The following CASZ1 variants were observed in gnomAD, a reference collection of about 807,000 sequenced individuals.
CASZ1 encodes the protein zinc finger protein castor homolog 1.
CASZ1 carries 28 observed loss-of-function variants against 135.2 expected under a neutral mutation model. The ratio of observed to expected loss-of-function variants is 0.21; its 90% CI spans 0.15 to 0.28. The LOEUF is 0.28. CASZ1 is among the 10% of genes least tolerant of loss of function. The pLI, the probability that CASZ1 is intolerant of heterozygous loss-of-function variation, is 1.00. For synonymous variants in CASZ1, 1,068 were observed against 1,073.4 expected (o/e 0.99, Z 0.10); for missense variants, 2,161 against 2,453.3 (o/e 0.88, Z 2.52).
intron 4 of CASZ1, among the ~76,000 whole-genome samples, chr1:10,669,699 G>C (rs966604760): frequency 1.3e-5 from 2 of 152,176 alleles, no homozygotes; most frequent in Non-Finnish European, 2.9e-5. Flanking sequence ...TTCAAGGGGA[G>C]GAGAGGCTGC....
At chr1:10,730,617 A>C (rs1365014273) in intron 2 of CASZ1, among the ~76,000 whole-genome samples, 1 of 152,234 alleles carries the variant, frequency 6.6e-6, no homozygotes, top group African/African-American at 2.4e-5. Context: ...TTTTCTCAAA[A>C]GTGGACAAAG....
chr1:10,671,598 T>C (rs955637912), intron 4 of CASZ1, among the ~76,000 whole-genome samples: 5 of 152,120 alleles, frequency 3.3e-5, no homozygotes, highest in Non-Finnish European at 7.4e-5. Context: ...CCCCTCTCTG[T>C]GGCCCCCACC....
chr1:10,749,926 C>T (rs138294576), intron 2 of CASZ1, among the ~76,000 whole-genome samples: 124 of 152,298 alleles, frequency 8.1e-4, no homozygotes, highest in African/African-American at 2.3e-3. Flanking sequence ...CACGGGTCTC[C>T]GGAGCATCAC....
In CASZ1 at chr1:10,657,791, G is replaced by A. The variant is rs1186686491; in HGVS notation, c.1409+717C>T. On this transcript the variant is annotated intron_variant, in intron 7 of 20. Coordinates refer to ENST00000377022, the MANE Select transcript of CASZ1 (RefSeq NM_001079843.3). This position sits in a 1 kb window ranked among gnomAD's most constrained non-coding sequence, Gnocchi z 5.7. Reference sequence around the variant, plus strand: ...GGTGCTGCCCCATCAGAGGGCAGGCGGTGGGGGGGTGGGGGCGGGGGGTGT... The same window carrying A: ...GGTGCTGCCCCATCAGAGGGCAGGCAGTGGGGGGGTGGGGGCGGGGGGTGT... Among the ~76,000 whole-genome samples, 8 of 150,490 alleles carry A rather than the reference G, an allele frequency of 5.3e-5. No homozygotes were observed. Among genetic ancestry groups the A allele is most frequent in the Non-Finnish European group, 8.9e-5 (6 of 67,528 alleles).
rs1210318080 is a variant in CASZ1 at position 10,649,296 on chromosome 1, C to A, written c.3022G>T (p.Val1008Leu). The change falls in exon 14 of 21, where the codon GTG (valine) becomes TTG (leucine). Residue 1008 changes from valine (V) to leucine (L), a missense_variant. Val to Leu is a conservative substitution (Grantham distance 32, BLOSUM62 1). Around this residue, in one of 7 missense-constraint regions of CASZ1, gnomAD observed 406 missense variants for 387.6 expected, o/e 1.05. Transcript: ENST00000377022. ...GCAGCCCCTCACCTGCGCAGGTACA[C>A]CTTCCAGGGCTCTGCCAACTTCTCC... is the stretch of plus-strand genomic sequence containing the variant. Reference protein sequence around the residue: ...VQEKLAEPWKVYLRRFGTKDF... With the variant: ...VQEKLAEPWKLYLRRFGTKDF... 2 of 1,597,688 alleles carry A rather than the reference C, an allele frequency of 1.3e-6. No homozygotes were observed. Among genetic ancestry groups the A allele is most frequent in the Non-Finnish European group, 1.7e-6 (2 of 1,172,006 alleles).
intron 2 of CASZ1, among the ~76,000 whole-genome samples, chr1:10,745,388 C>G (rs997953181): frequency 8.3e-6 from 1 of 120,932 alleles, no homozygotes; most frequent in South Asian, 2.3e-4. Flanking sequence ...AGCCACAGTA[C>G]CAGGGACACG....
At chr1:10,736,701 G>A (rs1264468461) in intron 2 of CASZ1, among the ~76,000 whole-genome samples, 1 of 152,220 alleles carries the variant, frequency 6.6e-6, no homozygotes, top group Admixed American at 6.5e-5. Context: ...CACCATGCCA[G>A]GCCACGTGGG....
Position 10,647,588 on chromosome 1 carries a change from G to C in CASZ1, c.3497+213C>G. 9 of 1,424,114 alleles carry C rather than the reference G, an allele frequency of 6.3e-6. No individual in the cohort carries two copies. Among genetic ancestry groups the C allele is most frequent in the Non-Finnish European group, 8.2e-6 (9 of 1,092,224 alleles). The allele number at this position is 1,424,114 out of a possible 1,614,324, so 88.2% of individuals were successfully genotyped here. On this transcript the variant is annotated intron_variant, in intron 16 of 20. Transcript: ENST00000377022. The surrounding 1 kb of genome is among the most constrained non-coding windows in gnomAD (Gnocchi z 4.9). ...AGCAGTAGCCACTGCCGCCACCATC[G>C]GCCCACGCGGGCTGGCCTGCTCTGG...
chr1:10,790,819 G>A (rs1640943551), intron 1 of CASZ1, among the ~76,000 whole-genome samples: 1 of 151,544 alleles, frequency 6.6e-6, no homozygotes, highest in Admixed American at 6.6e-5. Flanking sequence ...TGGTATAAAT[G>A]TACTTAATGT....
chr1:10,771,652 C>T (rs1025663523), intron 1 of CASZ1, among the ~76,000 whole-genome samples: 4 of 120,182 alleles, frequency 3.3e-5, no homozygotes, highest in Non-Finnish European at 5.6e-5. Context: ...ATTAATTTCA[C>T]CTCTTTCCTC....
At chr1:10,671,037 G>A (rs1000055969) in intron 4 of CASZ1, among the ~76,000 whole-genome samples, 2 of 152,236 alleles carry the variant, frequency 1.3e-5, no homozygotes, top group African/African-American at 4.8e-5. Flanking sequence ...TTGGGTGGGG[G>A]GCATGCTTGG....
chr1:10,665,061 C>T lies in CASZ1; in HGVS notation c.505+22G>A, dbSNP rs758307184. 4.0e-6 allele frequency: 6 copies of T among 1,497,288 alleles called. No individual in the cohort carries two copies. The African/African-American group carries it at 8.4e-5, about 21-fold the overall frequency. 92.8% of individuals were successfully genotyped at this position (1,497,288 alleles called of 1,614,324 possible). Reference sequence around the variant, plus strand: ...CCTCCCTGTCCTGGCCTTCAGCCTCCCTTCGAAGGCCAGGCACCCACCTGA... The same window carrying T: ...CCTCCCTGTCCTGGCCTTCAGCCTCTCTTCGAAGGCCAGGCACCCACCTGA... On this transcript the variant is annotated intron_variant, in intron 5 of 20. Coordinates refer to ENST00000377022, the MANE Select transcript of CASZ1 (RefSeq NM_001079843.3).
chr1:10,752,623 G>T (rs2100558176), intron 2 of CASZ1, among the ~76,000 whole-genome samples: 1 of 152,312 alleles, frequency 6.6e-6, no homozygotes, highest in African/African-American at 2.4e-5. Flanking sequence ...GGGAGTGCTG[G>T]CTCTTCCAGA....
chr1:10,768,287 G>A (rs1424567465), intron 1 of CASZ1, among the ~76,000 whole-genome samples: 4 of 152,126 alleles, frequency 2.6e-5, no homozygotes, highest in African/African-American at 4.8e-5. Flanking sequence ...GTGCAATCTC[G>A]GCTCACGGCA....
In CASZ1 at chr1:10,676,933, T is replaced by A. The variant is rs1250015509; in HGVS notation, c.17-11362A>T. On this transcript the variant is annotated intron_variant, in intron 4 of 20. Transcript: ENST00000377022. The surrounding 1 kb of genome is among the most constrained non-coding windows in gnomAD (Gnocchi z 4.5). ...CATACTGCCTGGCTCTGCCACTGCC[T>A]CTCGCTGAGGCCCCTGTGGGCACAG... 1.1e-4 allele frequency among the ~76,000 whole-genome samples: 16 copies of A among 152,210 alleles called. No homozygotes were observed. The highest frequency in any genetic ancestry group is 2.4e-4 in the Non-Finnish European group (16 of 68,044).
chr1:10,694,605 G>GCCA lies in CASZ1; in HGVS notation c.-23-694_-23-693insTGG, dbSNP rs1277745484. On this transcript the variant is annotated intron_variant, in intron 3 of 20. Coordinates refer to ENST00000377022, the MANE Select transcript of CASZ1 (RefSeq NM_001079843.3). The surrounding 1 kb of genome is among the most constrained non-coding windows in gnomAD (Gnocchi z 6.6). ...CGGCCCCGCCGCCGCCGCCGCCGCC[G>GCCA]CCGCCGCCGCCGCCGCCCGGTGCGC... 7.1e-6 allele frequency: 1 copy of GCCA among 141,656 alleles called. No individual in the cohort carries two copies. The highest frequency in any genetic ancestry group is 1.5e-5 in the Non-Finnish European group (1 of 65,854). The allele number at this position is 141,656 out of a possible 1,614,324, so 8.8% of individuals were successfully genotyped here.
At chr1:10,648,676 C>T (rs182030535) in intron 15 of CASZ1, 1 of 222,850 alleles carries the variant, frequency 4.5e-6, no homozygotes, top group African/African-American at 2.3e-5. Flanking sequence ...CAAAGGTAAC[C>T]TAGAGATGTA....
intron 2 of CASZ1, among the ~76,000 whole-genome samples, chr1:10,743,878 G>A (rs1639984453): frequency 6.7e-6 from 1 of 148,728 alleles, no homozygotes; most frequent in Non-Finnish European, 1.5e-5. Flanking sequence ...GAGAGAGAGA[G>A]GAGCGGGGAG....
rs1639861683 is a variant in CASZ1 at position 10,739,054 on chromosome 1, T to C, written c.-77+21647A>G. 6.6e-6 allele frequency among the ~76,000 whole-genome samples: 1 copy of C among 151,810 alleles called. No homozygotes were observed. Among genetic ancestry groups the C allele is most frequent in the South Asian group, 2.1e-4 (1 of 4,806 alleles). On this transcript the variant is annotated intron_variant, in intron 2 of 20. Transcript: ENST00000377022. This position sits in a 1 kb window ranked among gnomAD's most constrained non-coding sequence, Gnocchi z 4.8. ...AGAACCAGTCATAGGAAGCTTGGGCTCTGCTTCTTATTGAGTTCTTTTTTA... is the reference window on the plus strand; with the variant it reads ...AGAACCAGTCATAGGAAGCTTGGGCCCTGCTTCTTATTGAGTTCTTTTTTA...
Sources: allele counts gnomAD v4.1 joint callset (sites outside exome capture counted in the v4.1 genomes callset), GRCh38; gene constraint gnomAD v4.1.1; regional missense constraint gnomAD v4.1.1; non-coding constraint Gnocchi (gnomAD v3.1); transcripts MANE v1.5; gene names NCBI Gene and HGNC (gene_info 2026-07-23, HGNC 2026-07-21).